SPIRE1: variants seen among roughly 807,000 people sequenced by gnomAD.
SPIRE1 encodes the protein protein spire homolog 1.
Under a neutral mutation model 94.1 loss-of-function variants are expected in SPIRE1, and 40 were observed. That is an observed-to-expected ratio of 0.43 (90% CI 0.33 to 0.55). The LOEUF (loss-of-function observed/expected upper bound fraction) is 0.55. SPIRE1 is among the 20% of genes least tolerant of loss of function. The probability of loss-of-function intolerance (pLI) is 0.06; values close to 1 mark genes in which losing one functional copy is unlikely to be tolerated. For missense variants in SPIRE1, 838 were observed against 975.2 expected (o/e 0.86, Z 1.87); for synonymous variants, 376 against 371.7 (o/e 1.01, Z -0.13).
chr18:12,527,623 G>C (rs2034559433), intron 4 of SPIRE1, among the ~76,000 whole-genome samples: 1 of 152,112 alleles, frequency 6.6e-6, no homozygotes, highest in African/African-American at 2.4e-5. Flanking sequence ...CCCACTTCTG[G>C]AGAGCAGAAT....
chr18:12,563,159 T>G (rs1437484557), intron 2 of SPIRE1, among the ~76,000 whole-genome samples: 3 of 151,444 alleles, frequency 2.0e-5, no homozygotes, highest in African/African-American at 7.3e-5. Flanking sequence ...CCATTCACAC[T>G]CACAGATACC....
chr18:12,523,046 C>T (rs1359105244), intron 4 of SPIRE1, among the ~76,000 whole-genome samples: 3 of 152,126 alleles, frequency 2.0e-5, no homozygotes, highest in South Asian at 4.1e-4. Context: ...ACATTGAAAA[C>T]CTTCTGGAAA....
At chr18:12,501,201 G>A (rs2033652617) in intron 6 of SPIRE1, among the ~76,000 whole-genome samples, 1 of 151,920 alleles carries the variant, frequency 6.6e-6, no homozygotes, top group Admixed American at 6.6e-5. Flanking sequence ...TATATGATGA[G>A]GCAATATGCA....
chr18:12,556,850 G>A (rs1057380722), intron 2 of SPIRE1, among the ~76,000 whole-genome samples: 1 of 152,288 alleles, frequency 6.6e-6, no homozygotes, highest in African/African-American at 2.4e-5. Context: ...CCACAGTGTG[G>A]AAGGGGACCC....
Position 12,630,502 on chromosome 18 carries a change from T to C in SPIRE1, c.372+4560A>G, listed in dbSNP as rs568994592. Among the ~76,000 whole-genome samples, 16 of 152,142 alleles carry C rather than the reference T, an allele frequency of 1.1e-4. No individual in the cohort carries two copies. The South Asian group carries it at 2.9e-3, about 28-fold the overall frequency. The stretch of plus-strand genomic sequence containing the variant: ...GGCAAAACTCCATCTCTACTAAAAA[T>C]ACAAAAATTAGCTGGGCGTGGTGGC... On this transcript the variant is annotated intron_variant, in intron 2 of 16. Coordinates refer to ENST00000409402, the MANE Select transcript of SPIRE1 (RefSeq NM_001128626.2).
intron 3 of SPIRE1, among the ~76,000 whole-genome samples, chr18:12,543,963 A>C (rs1222654174): frequency 2.6e-5 from 4 of 152,176 alleles, no homozygotes; most frequent in Non-Finnish European, 5.9e-5. Flanking sequence ...AATACTTTAA[A>C]ATTTCCGTTT....
chr18:12,478,230 A>T (rs2032681125), intron 10 of SPIRE1, among the ~76,000 whole-genome samples: 1 of 151,858 alleles, frequency 6.6e-6, no homozygotes, highest in Non-Finnish European at 1.5e-5. Context: ...GAAGATGAGA[A>T]GCTAGGGGGT....
At chr18:12,461,571 G>GTACA in intron 12 of SPIRE1, among the ~76,000 whole-genome samples, 1 of 61,560 alleles carries the variant, frequency 1.6e-5, no homozygotes, top group South Asian at 7.7e-4. Context: ...GTATATGTAT[G>GTACA]TACATACATA....
chr18:12,641,417 A>G (rs2038082516), intron 1 of SPIRE1, among the ~76,000 whole-genome samples: 1 of 147,764 alleles, frequency 6.8e-6, no homozygotes. Flanking sequence ...TCGCCAGTCT[A>G]GAGTGCAGTG....
At position 12,620,553 on chromosome 18, in the gene SPIRE1, A is replaced by G. The variant is rs531940501; in HGVS notation, c.372+14509T>C. Among the ~76,000 whole-genome samples, 5 of 152,360 alleles carry G rather than the reference A, an allele frequency of 3.3e-5. No individual in the cohort carries two copies. In the East Asian group the frequency reaches 9.6e-4, roughly 29 times the overall value. On this transcript the variant is annotated intron_variant, in intron 2 of 16. Coordinates refer to ENST00000409402, the MANE Select transcript of SPIRE1 (RefSeq NM_001128626.2). ...AATCAGGGTGATAATACCATCCAAC[A>G]GGTAAAAAATATTTTCAAGAAATGG...
chr18:12,476,265 G>A (rs1258772143), intron 10 of SPIRE1, among the ~76,000 whole-genome samples: 3 of 152,104 alleles, frequency 2.0e-5, no homozygotes, highest in South Asian at 2.1e-4. Context: ...TCAGCTGGGC[G>A]TGGTGGCTCA....
intron 2 of SPIRE1, among the ~76,000 whole-genome samples, chr18:12,561,459 T>C (rs2035682991): frequency 1.3e-5 from 2 of 151,622 alleles, no homozygotes; most frequent in African/African-American, 2.4e-5. Flanking sequence ...AGAGACGGGG[T>C]TTCTCCATGT....
intron 3 of SPIRE1, among the ~76,000 whole-genome samples, chr18:12,538,803 T>C (rs1194149420): frequency 6.6e-6 from 1 of 152,154 alleles, no homozygotes; most frequent in African/African-American, 2.4e-5. Context: ...TGTGGCACCA[T>C]GCCCAGCTGA....
chr18:12,617,159 AT>A (rs60768224), intron 2 of SPIRE1, among the ~76,000 whole-genome samples: 41,193 of 135,340 alleles, frequency 0.3, 5,935 homozygotes, highest in African/African-American at 0.41. Context: ...CATGCTCACT[AT>A]TTTTTTTTTT....
chr18:12,492,901 TGA>T lies in SPIRE1; in HGVS notation c.1189+169_1189+170del, dbSNP rs2033289116. Among the ~76,000 whole-genome samples the T allele has an allele frequency of 2.6e-5, 4 of 152,058 alleles. No individual in the cohort carries two copies. The South Asian group carries it at 8.3e-4, about 32-fold the overall frequency. On this transcript the variant is annotated intron_variant, in intron 8 of 16. Transcript: ENST00000409402. ...AAGTAAGTGTGAGGGGGTATGTATA[TGA>T]GAGAGTGAGAGGGGGTATGTATACG...
intron 12 of SPIRE1, among the ~76,000 whole-genome samples, chr18:12,462,905 G>T (rs1208009853): frequency 6.6e-6 from 1 of 151,898 alleles, no homozygotes; most frequent in Non-Finnish European, 1.5e-5. Context: ...TTAGGTTATG[G>T]ATAGAGTTTG....
chr18:12,627,836 T>C (rs144955716), intron 2 of SPIRE1, among the ~76,000 whole-genome samples: 1,673 of 152,374 alleles, frequency 0.011, 20 homozygotes, highest in South Asian at 0.022. Flanking sequence ...AATGTGTCTG[T>C]TGGCTGCATA....
At chr18:12,595,911 T>C (rs1367925718) in intron 2 of SPIRE1, among the ~76,000 whole-genome samples, 1 of 152,158 alleles carries the variant, frequency 6.6e-6, no homozygotes, top group Non-Finnish European at 1.5e-5. Flanking sequence ...CACCTTGACC[T>C]ATTTGCCACA....
intron 4 of SPIRE1, among the ~76,000 whole-genome samples, chr18:12,523,054 A>G (rs1020747140): frequency 6.6e-6 from 1 of 152,188 alleles, no homozygotes; most frequent in African/African-American, 2.4e-5. Flanking sequence ...AACCTTCTGG[A>G]AAGGATTCAT....
Sources: gnomAD v4.1 joint callset for allele counts (sites outside exome capture counted in the v4.1 genomes callset) on GRCh38, gnomAD v4.1.1 for gene constraint, MANE v1.5 for transcripts, NCBI Gene and HGNC (gene_info 2026-07-23, HGNC 2026-07-21) for gene names.